ABL1: variants seen among roughly 807,000 people sequenced by gnomAD.
The protein encoded by ABL1 is ABL proto-oncogene 1, non-receptor tyrosine kinase, also known as tyrosine-protein kinase ABL1.
A neutral mutation model predicts 94.7 loss-of-function variants in ABL1; 11 were observed. The ratio of observed to expected loss-of-function variants is 0.12; its 90% CI spans 0.07 to 0.19. The LOEUF is 0.19. ABL1 is among the 10% of genes least tolerant of loss of function. The pLI is 1.00. For synonymous variants in ABL1, 656 were observed against 622.4 expected, an observed-to-expected ratio of 1.05 and a Z score of -0.80; for missense variants, 1,082 against 1,489.4, an observed-to-expected ratio of 0.73 and a Z score of 4.50.
At chr9:130,827,741 A>G (rs1318344909) in intron 1 of ABL1, among the ~76,000 whole-genome samples, 3 of 152,034 alleles carry the variant, frequency 2.0e-5, no homozygotes, top group Non-Finnish European at 4.4e-5. Context: ...CTAAAAATAC[A>G]AAAATTAACT....
At chr9:130,805,323 C>T (rs1830110911) in intron 1 of ABL1, among the ~76,000 whole-genome samples, 1 of 152,160 alleles carries the variant, frequency 6.6e-6, no homozygotes, top group Non-Finnish European at 1.5e-5. Flanking sequence ...CGTGATTCAC[C>T]CACCTCGGCC....
At chr9:130,713,258 A>G (rs1170359982) in exon 1 of ABL1, among the ~76,000 whole-genome samples, 1 of 152,066 alleles carries the variant, frequency 6.6e-6, no homozygotes, top group African/African-American at 2.4e-5. Flanking sequence ...TGTCTCGGGC[A>G]GAGACCCCCG....
intron 1 of ABL1, among the ~76,000 whole-genome samples, chr9:130,843,210 G>C (rs1415324832): frequency 2.0e-5 from 3 of 152,224 alleles, no homozygotes; most frequent in Non-Finnish European, 4.4e-5. Context: ...GCACTGAGCA[G>C]GCACAGAAGG....
intron 1 of ABL1, among the ~76,000 whole-genome samples, chr9:130,771,860 C>T (rs1832257504): frequency 1.3e-5 from 2 of 151,242 alleles, no homozygotes; most frequent in Admixed American, 1.3e-4. Flanking sequence ...CTCAAGCAAT[C>T]CTCCCACCTC....
At chr9:130,739,036 G>A (rs190435633) in intron 1 of ABL1, among the ~76,000 whole-genome samples, 12 of 152,226 alleles carry the variant, frequency 7.9e-5, no homozygotes, top group East Asian at 1.9e-4. Context: ...CGCTACAGGC[G>A]CGTGCCACCA....
chr9:130,729,692 C>A (rs183543884), intron 1 of ABL1, among the ~76,000 whole-genome samples: 1 of 152,188 alleles, frequency 6.6e-6, no homozygotes, highest in African/African-American at 2.4e-5. Flanking sequence ...TATCTAATAC[C>A]ACTTTTACTG....
intron 1 of ABL1, among the ~76,000 whole-genome samples, chr9:130,849,980 A>G (rs1329280971): frequency 6.6e-6 from 1 of 152,172 alleles, no homozygotes; most frequent in Non-Finnish European, 1.5e-5. Context: ...GGAAGCTCGT[A>G]ACTGGCTTCC....
chr9:130,715,358 C>G (rs915437365), intron 1 of ABL1, among the ~76,000 whole-genome samples: 4 of 152,180 alleles, frequency 2.6e-5, no homozygotes, highest in Non-Finnish European at 5.9e-5. Context: ...ATCCTATAAG[C>G]AAACGTATGA....
chr9:130,744,732 C>T lies in ABL1; in HGVS notation c.136+30277C>T, dbSNP rs181340223. On this transcript the variant is annotated intron_variant, in intron 1 of 10. Transcript: ENST00000372348. ...ATTAGCCGAGCGTAGTGGTGGGCGC[C>T]TGTAGTTCCAGCTACTGGGGAGGCT... is the stretch of plus-strand genomic sequence containing the variant. Among the ~76,000 whole-genome samples the T allele has an allele frequency of 3.0e-3, 459 of 150,936 alleles. 6 individuals are homozygous for T. The highest frequency in any genetic ancestry group is 0.011 in the African/African-American group (441 of 41,244).
At chr9:130,838,398 G>C (rs1295858836) in intron 1 of ABL1, among the ~76,000 whole-genome samples, 1 of 152,154 alleles carries the variant, frequency 6.6e-6, no homozygotes, top group Non-Finnish European at 1.5e-5. Flanking sequence ...AAAATGATTA[G>C]CTTTAACAGT....
At chr9:130,760,108 G>A (rs1832092260) in intron 1 of ABL1, among the ~76,000 whole-genome samples, 2 of 151,468 alleles carry the variant, frequency 1.3e-5, no homozygotes, top group Admixed American at 1.3e-4. Context: ...CACCCAGCCA[G>A]TTGTTTAGTT....
At chr9:130,715,162 T>G (rs1161157400) in intron 1 of ABL1, among the ~76,000 whole-genome samples, 15 of 152,246 alleles carry the variant, frequency 9.9e-5, no homozygotes, top group Admixed American at 9.8e-4. Context: ...ATGAACATAT[T>G]TGGCATTTGA....
intron 6 of ABL1, among the ~76,000 whole-genome samples, chr9:130,874,026 G>A (rs191679180): frequency 7.2e-5 from 11 of 152,310 alleles, no homozygotes; most frequent in South Asian, 4.2e-4. Flanking sequence ...GGCCGGGTCC[G>A]TTCCTTCTTC....
At chr9:130,802,034 C>T (rs572249089) in intron 1 of ABL1, among the ~76,000 whole-genome samples, 81 of 151,798 alleles carry the variant, frequency 5.3e-4, no homozygotes, top group African/African-American at 1.9e-3. Context: ...TTGTAGTTAC[C>T]CACTGGAACA....
chr9:130,786,202 T>C (rs904076780), intron 1 of ABL1, among the ~76,000 whole-genome samples: 2 of 152,108 alleles, frequency 1.3e-5, no homozygotes, highest in Middle Eastern at 3.2e-3. Flanking sequence ...CATCTGAGGA[T>C]TGGCTATTTT....
chr9:130,755,264 C>T (rs1437833815), intron 1 of ABL1, among the ~76,000 whole-genome samples: 1 of 152,128 alleles, frequency 6.6e-6, no homozygotes, highest in Non-Finnish European at 1.5e-5. Flanking sequence ...AGGCAGAGGA[C>T]ACCAGTAGGC....
At chr9:130,855,320 A>G (rs1036040975) in intron 3 of ABL1, among the ~76,000 whole-genome samples, 4 of 152,180 alleles carry the variant, frequency 2.6e-5, no homozygotes, top group Admixed American at 1.3e-4. Context: ...TTGTCTTGCT[A>G]GAGTTTTGTT....
At chr9:130,743,424 C>T (rs563513950) in intron 1 of ABL1, among the ~76,000 whole-genome samples, 1 of 152,284 alleles carries the variant, frequency 6.6e-6, no homozygotes, top group African/African-American at 2.4e-5. Flanking sequence ...AGATGACCCC[C>T]AGTGATTCCC....
rs115700624 is a variant in ABL1, at chr9:130,753,885, A to G, written c.136+39430A>G. ...TTTTTAGCTTGGAGGAGAGAAGCCT[A>G]AGGGAAGATGTGTTTGCTGTTTTGA... On this transcript the variant is annotated intron_variant, in intron 1 of 10. Coordinates refer to the ABL1 transcript ENST00000372348. 8.0e-3 allele frequency among the ~76,000 whole-genome samples: 1,219 copies of G among 152,234 alleles called. 14 individuals are homozygous for G. Among genetic ancestry groups the G allele is most frequent in the African/African-American group, 0.027 (1,137 of 41,548 alleles).
Sources: gnomAD v4.1 joint callset for allele counts (sites outside exome capture counted in the v4.1 genomes callset) on GRCh38, gnomAD v4.1.1 for gene constraint, MANE v1.5 for transcripts, NCBI Gene and HGNC (gene_info 2026-07-23, HGNC 2026-07-21) for gene names.